The following SPIN1 variants were observed in gnomAD, a reference collection of about 807,000 sequenced individuals.
The protein encoded by SPIN1 is spindlin-1.
In SPIN1, 3 loss-of-function variants were observed where a neutral mutation model predicts 26.0. The observed-to-expected ratio is 0.12, with a 90% CI of 0.05 to 0.30. SPIN1 has a LOEUF of 0.30. Among genes scored for constraint, SPIN1 ranks in the 10% least tolerant of loss-of-function variants. SPIN1 has a pLI of 1.00. For missense variants in SPIN1, 126 were observed against 333.4 expected (o/e 0.38, Z 4.84); for synonymous variants, 101 against 116.5 (o/e 0.87, Z 0.86).
At chr9:88,456,796 G>A (rs1828481302) in intron 3 of SPIN1, among the ~76,000 whole-genome samples, 2 of 152,002 alleles carry the variant, frequency 1.3e-5, no homozygotes, top group Non-Finnish European at 2.9e-5. Context: ...CAAAACAGAA[G>A]AACAAGCCAG....
intron 1 of SPIN1, among the ~76,000 whole-genome samples, chr9:88,395,862 C>A (rs1389871206): frequency 6.6e-6 from 1 of 151,968 alleles, no homozygotes; most frequent in East Asian, 2.0e-4. Context: ...GCCTGACCAA[C>A]GTGGTGAAAC....
chr9:88,446,616 C>T (rs1828257152), intron 2 of SPIN1, among the ~76,000 whole-genome samples: 1 of 152,050 alleles, frequency 6.6e-6, no homozygotes, highest in South Asian at 2.1e-4. Flanking sequence ...CCATGTTAGC[C>T]AGGCTGGTCT....
At chr9:88,407,585 A>G (rs1047351304) in intron 1 of SPIN1, among the ~76,000 whole-genome samples, 5 of 151,880 alleles carry the variant, frequency 3.3e-5, no homozygotes. Flanking sequence ...CCAAGGCAAG[A>G]GGATTACTTG....
chr9:88,389,195 C>A (rs1826863425), intron 1 of SPIN1, among the ~76,000 whole-genome samples: 1 of 152,174 alleles, frequency 6.6e-6, no homozygotes, highest in Non-Finnish European at 1.5e-5. Flanking sequence ...TTTCCTGATG[C>A]GCCGTCTCTT....
chr9:88,397,446 G>C (rs1827091081), intron 1 of SPIN1, among the ~76,000 whole-genome samples: 2 of 152,010 alleles, frequency 1.3e-5, no homozygotes, highest in African/African-American at 4.8e-5. Context: ...CTTGGCACTT[G>C]TTCTTTTCCT....
intron 1 of SPIN1, chr9:88,391,421 G>T: frequency 6.0e-6 from 1 of 167,648 alleles, no homozygotes. Context: ...GGCTATCTAT[G>T]ATAACAGAAA....
chr9:88,442,000 G>C (rs1271488485), intron 2 of SPIN1, among the ~76,000 whole-genome samples: 1 of 146,500 alleles, frequency 6.8e-6, no homozygotes, highest in Non-Finnish European at 1.5e-5. Context: ...CACCCAGCCT[G>C]GAGTGCAGTG....
chr9:88,428,116 C>T (rs918087842), intron 2 of SPIN1, among the ~76,000 whole-genome samples: 2 of 152,124 alleles, frequency 1.3e-5, no homozygotes, highest in African/African-American at 4.8e-5. Context: ...AATAGTAATT[C>T]CTTTTCTAAA....
intron 3 of SPIN1, among the ~76,000 whole-genome samples, chr9:88,462,182 A>G (rs1032959102): frequency 2.0e-5 from 3 of 152,220 alleles, no homozygotes; most frequent in African/African-American, 7.2e-5. Context: ...ATTAAAATAA[A>G]CTCAGAAAGC....
At chr9:88,447,960 C>A (rs569547712) in intron 2 of SPIN1, among the ~76,000 whole-genome samples, 8 of 152,264 alleles carry the variant, frequency 5.3e-5, no homozygotes, top group African/African-American at 1.9e-4. Context: ...TATATTTCAT[C>A]CTGTTTTTCA....
chr9:88,453,120 C>T (rs1294342101), intron 3 of SPIN1, among the ~76,000 whole-genome samples: 1 of 151,986 alleles, frequency 6.6e-6, no homozygotes, highest in African/African-American at 2.4e-5. Flanking sequence ...CTTTCCTTTC[C>T]CTTTCCCTTT....
intron 1 of SPIN1, among the ~76,000 whole-genome samples, chr9:88,401,086 C>G (rs1169340499): frequency 6.6e-6 from 1 of 152,170 alleles, no homozygotes; most frequent in Non-Finnish European, 1.5e-5. Flanking sequence ...TGGAACTGTA[C>G]TTTGCTAGGA....
chr9:88,464,607 A>G lies in SPIN1; in HGVS notation c.355+1858A>G, dbSNP rs190581921. 1.4e-3 allele frequency among the ~76,000 whole-genome samples: 216 copies of G among 152,290 alleles called. 1 individual carries two copies. Among genetic ancestry groups the G allele is most frequent in the African/African-American group, 4.5e-3 (187 of 41,560 alleles). ...CGCTTTTCACTCTCTCTTTTTCTCAATTACACAGTGGAGTTTCCCACTATC... is the reference window on the plus strand; with the variant it reads ...CGCTTTTCACTCTCTCTTTTTCTCAGTTACACAGTGGAGTTTCCCACTATC... On this transcript the variant is annotated intron_variant, in intron 4 of 5. Transcript: ENST00000375859.
chr9:88,392,109 C>G (rs1196053590), intron 1 of SPIN1, among the ~76,000 whole-genome samples: 1 of 152,128 alleles, frequency 6.6e-6, no homozygotes, highest in Non-Finnish European at 1.5e-5. Flanking sequence ...AGTACAGTTC[C>G]TGAAATACAG....
intron 1 of SPIN1, among the ~76,000 whole-genome samples, chr9:88,423,323 C>T (rs1324635058): frequency 1.3e-5 from 2 of 152,088 alleles, no homozygotes; most frequent in Non-Finnish European, 2.9e-5. Context: ...GTGGCTCAGG[C>T]AGAATTTTTT....
chr9:88,458,430 T>A (rs534834636), intron 3 of SPIN1, among the ~76,000 whole-genome samples: 1 of 152,312 alleles, frequency 6.6e-6, no homozygotes, highest in East Asian at 1.9e-4. Context: ...AAGCCCCTTG[T>A]ATAATGCTCA....
chr9:88,405,240 G>C (rs1311587594), intron 1 of SPIN1, among the ~76,000 whole-genome samples: 1 of 151,594 alleles, frequency 6.6e-6, no homozygotes, highest in Admixed American at 6.6e-5. Flanking sequence ...TTTTTTGTTT[G>C]TTTTTTGAGA....
At chr9:88,470,572 C>T (rs535317371) in intron 5 of SPIN1, among the ~76,000 whole-genome samples, 18 of 150,578 alleles carry the variant, frequency 1.2e-4, no homozygotes, top group Admixed American at 3.3e-4. Flanking sequence ...TGATGTTAAG[C>T]ATCTTTCATA....
intron 1 of SPIN1, among the ~76,000 whole-genome samples, chr9:88,412,320 C>G (rs1250986957): frequency 2.0e-5 from 3 of 152,180 alleles, no homozygotes; most frequent in Non-Finnish European, 4.4e-5. Flanking sequence ...CTCTAAGCAA[C>G]TCTGGTTTCT....
Sources: gnomAD v4.1 joint callset for allele counts (sites outside exome capture counted in the v4.1 genomes callset) on GRCh38, gnomAD v4.1.1 for gene constraint, MANE v1.5 for transcripts, NCBI Gene and HGNC (gene_info 2026-07-23, HGNC 2026-07-21) for gene names.